DAB1: variants seen among roughly 807,000 people sequenced by gnomAD.
DAB1 encodes the protein DAB adaptor protein 1.
In DAB1, 15 loss-of-function variants were observed where a neutral mutation model predicts 64.6. The observed-to-expected ratio is 0.23, with a 90% confidence interval of 0.16 to 0.36. DAB1 has a LOEUF of 0.36. Ranked by LOEUF, DAB1 falls within the 10% of genes least tolerant of loss-of-function variation. The pLI, the probability that DAB1 is intolerant of heterozygous loss-of-function variation, is 1.00. For missense variants in DAB1, 596 were observed against 706.7 expected (o/e 0.84, Z 1.78); for synonymous variants, 235 against 251.9 (o/e 0.93, Z 0.64).
chr1:58,225,956 TAAAA>T (rs5774402), intron 4 of DAB1, among the ~76,000 whole-genome samples: 4 of 130,910 alleles, frequency 3.1e-5, no homozygotes, highest in African/African-American at 8.6e-5. Context: ...AACTTAGTAT[TAAAA>T]AAAAAAAAAA....
intron 4 of DAB1, among the ~76,000 whole-genome samples, chr1:58,152,691 CTTAA>C (rs1655010479): frequency 2.0e-5 from 3 of 152,270 alleles, no homozygotes; most frequent in South Asian, 4.2e-4. Context: ...TTTTCTTATC[CTTAA>C]TTAAAGAGCC....
At chr1:57,681,701 T>A (rs142866367) in intron 6 of DAB1, among the ~76,000 whole-genome samples, 1 of 152,156 alleles carries the variant, frequency 6.6e-6, no homozygotes, top group African/African-American at 2.4e-5. Context: ...CATTTTAAAA[T>A]TCTCTGAAAA....
chr1:57,248,996 A>G (rs1669116098), intron 2 of DAB1, among the ~76,000 whole-genome samples: 1 of 152,178 alleles, frequency 6.6e-6, no homozygotes, highest in African/African-American at 2.4e-5. Flanking sequence ...CAGGCATATT[A>G]AGTTCACGAT....
chr1:57,449,310 C>T (rs1570530921), intron 7 of DAB1, among the ~76,000 whole-genome samples: 1 of 151,026 alleles, frequency 6.6e-6, no homozygotes, highest in East Asian at 1.9e-4. Flanking sequence ...GGTGTGTTGC[C>T]TTATAAAGAA....
chr1:57,519,232 C>T (rs1644497496), intron 7 of DAB1, among the ~76,000 whole-genome samples: 1 of 152,148 alleles, frequency 6.6e-6, no homozygotes, highest in Non-Finnish European at 1.5e-5. Flanking sequence ...AAATACTTAT[C>T]TTCATTTTAC....
intron 1 of DAB1, among the ~76,000 whole-genome samples, chr1:57,354,802 T>A (rs1315832687): frequency 1.3e-5 from 2 of 152,068 alleles, no homozygotes; most frequent in African/African-American, 4.8e-5. Flanking sequence ...GCAGCAGGCA[T>A]GAAAAGGAGT....
At chr1:58,331,443 T>C (rs184012002) in intron 4 of DAB1, among the ~76,000 whole-genome samples, 1 of 152,336 alleles carries the variant, frequency 6.6e-6, no homozygotes, top group Admixed American at 6.5e-5. Flanking sequence ...TTTGAGAAGA[T>C]TGGTCCAATT....
chr1:57,755,358 CTTT>C (rs1648755309), intron 6 of DAB1, among the ~76,000 whole-genome samples: 2 of 151,976 alleles, frequency 1.3e-5, no homozygotes, highest in Non-Finnish European at 2.9e-5. Context: ...TTCTTTTATG[CTTT>C]TTAATAAAGG....
chr1:58,173,114 C>T, intron 4 of DAB1, among the ~76,000 whole-genome samples: 1 of 152,210 alleles, frequency 6.6e-6, no homozygotes, highest in East Asian at 1.9e-4. Context: ...TTAGAAATAC[C>T]TACAGAAGGA....
rs80290309 is a variant in DAB1, at chr1:57,149,606, G to A, written c.68-4177C>T. ...GTAATGATGTTGAGCATCTTTTCATGTGCCTATTGTTCATTTGCATATCTT... is the reference window on the plus strand; with the variant it reads ...GTAATGATGTTGAGCATCTTTTCATATGCCTATTGTTCATTTGCATATCTT... On this transcript the variant is annotated intron_variant, in intron 2 of 14. Coordinates refer to ENST00000371236, the MANE Select transcript of DAB1 (RefSeq NM_001365792.1). 9.0e-3 allele frequency among the ~76,000 whole-genome samples: 1,368 copies of A among 152,218 alleles called. 14 individuals carry two copies. Among genetic ancestry groups the A allele is most frequent in the Non-Finnish European group, 0.015 (994 of 68,020 alleles).
intron 11 of DAB1, among the ~76,000 whole-genome samples, chr1:57,021,868 C>T (rs1646634305): frequency 6.6e-6 from 1 of 152,116 alleles, no homozygotes; most frequent in African/African-American, 2.4e-5. Context: ...TTGAGACTTT[C>T]CTGTCCCTGC....
At chr1:57,775,959 T>C (rs1649778048) in intron 6 of DAB1, among the ~76,000 whole-genome samples, 1 of 151,716 alleles carries the variant, frequency 6.6e-6, no homozygotes, top group Admixed American at 6.6e-5. Flanking sequence ...TATGAAAAAT[T>C]AGTATTTATC....
At chr1:58,345,458 C>A (rs1427839495) in intron 3 of DAB1, among the ~76,000 whole-genome samples, 2 of 152,176 alleles carry the variant, frequency 1.3e-5, no homozygotes, top group East Asian at 3.8e-4. Flanking sequence ...AATCAATATT[C>A]CCTCAGTAAC....
At chr1:57,898,882 G>A (rs564736284) in intron 5 of DAB1, among the ~76,000 whole-genome samples, 5 of 152,242 alleles carry the variant, frequency 3.3e-5, no homozygotes, top group African/African-American at 7.2e-5. Flanking sequence ...GCGTGTATGC[G>A]CGTGCACACA....
intron 2 of DAB1, among the ~76,000 whole-genome samples, chr1:57,194,337 G>C (rs555942578): frequency 1.8e-4 from 28 of 152,228 alleles, no homozygotes; most frequent in Admixed American, 9.8e-4. Context: ...GGATGTTCCT[G>C]TTTAGTGAGG....
chr1:57,916,564 G>C (rs564169574), intron 5 of DAB1, among the ~76,000 whole-genome samples: 1 of 152,232 alleles, frequency 6.6e-6, no homozygotes, highest in Non-Finnish European at 1.5e-5. Flanking sequence ...ATAAAAATTA[G>C]TTGAGTTCTC....
intron 1 of DAB1, among the ~76,000 whole-genome samples, chr1:57,403,439 C>CTGGA (rs1303708574): frequency 4.6e-5 from 7 of 152,144 alleles, no homozygotes; most frequent in Non-Finnish European, 8.8e-5. Context: ...TAGGCTACAC[C>CTGGA]TGGACTTGTT....
rs553121461 is a variant in DAB1, at chr1:57,780,527, A to C, written n.551+103472T>G. Among the ~76,000 whole-genome samples the C allele has an allele frequency of 7.9e-5, 12 of 152,210 alleles. No individual in the cohort carries two copies. In the East Asian group the frequency reaches 2.3e-3, roughly 30 times the overall value. On this transcript the variant is annotated intron_variant and non_coding_transcript_variant, in intron 6 of 20. Coordinates refer to the DAB1 transcript ENST00000485760. Reference sequence around the variant, plus strand: ...AAATGTAGTTTTCTATCTGGGTAATATGTTACATATGTTCATTGTGTTAAA... The same window carrying C: ...AAATGTAGTTTTCTATCTGGGTAATCTGTTACATATGTTCATTGTGTTAAA...
intron 4 of DAB1, among the ~76,000 whole-genome samples, chr1:57,083,117 T>C (rs190912979): frequency 1.3e-5 from 2 of 152,322 alleles, no homozygotes; most frequent in Admixed American, 1.3e-4. Context: ...CTACGTACTC[T>C]ACGTATATAA....
Sources: gnomAD v4.1 joint callset for allele counts (sites outside exome capture counted in the v4.1 genomes callset) on GRCh38, gnomAD v4.1.1 for gene constraint, MANE v1.5 for transcripts, NCBI Gene and HGNC (gene_info 2026-07-23, HGNC 2026-07-21) for gene names.